Variants in WWOX observed in about 807,000 individuals in gnomAD.
The protein encoded by WWOX is WW domain-containing oxidoreductase.
A neutral mutation model predicts 46.2 loss-of-function variants in WWOX; 69 were observed. The ratio of observed to expected loss-of-function variants is 1.49; its 90% CI spans 1.23 to 1.82. WWOX has a LOEUF of 1.82. Ranked by LOEUF, WWOX falls within the 40% of genes most tolerant of loss-of-function variation. The probability of loss-of-function intolerance (pLI) is 0.00; values close to 1 mark genes in which losing one functional copy is unlikely to be tolerated. For missense variants in WWOX, 919 were observed against 542.6 expected, an observed-to-expected ratio of 1.69 and a Z score of -6.89; for synonymous variants, 359 against 202.6, an observed-to-expected ratio of 1.77 and a Z score of -6.56.
chr16:78,203,835 T>C (rs1255707904), intron 5 of WWOX, among the ~76,000 whole-genome samples: 1 of 152,238 alleles, frequency 6.6e-6, no homozygotes, highest in African/African-American at 2.4e-5. Context: ...TCTCCTCCCT[T>C]TCTCATAGTA....
chr16:78,618,846 C>T (rs1053062447), intron 8 of WWOX, among the ~76,000 whole-genome samples: 1 of 151,766 alleles, frequency 6.6e-6, no homozygotes, highest in Non-Finnish European at 1.5e-5. Context: ...TCAGACCCAG[C>T]TGACAGGCTA....
At chr16:79,074,367 C>T (rs1369216391) in intron 8 of WWOX, among the ~76,000 whole-genome samples, 1 of 142,734 alleles carries the variant, frequency 7.0e-6, no homozygotes, top group Non-Finnish European at 1.5e-5. Flanking sequence ...CCACCGTTGT[C>T]ACTCAAAGCC....
chr16:78,205,390 A>G (rs191972499), intron 5 of WWOX, among the ~76,000 whole-genome samples: 12 of 147,846 alleles, frequency 8.1e-5, no homozygotes, highest in African/African-American at 1.5e-4. Flanking sequence ...TCATTCTTCT[A>G]TCCATCCAAC....
intron 8 of WWOX, among the ~76,000 whole-genome samples, chr16:78,575,474 G>T (rs185775029): frequency 1.3e-5 from 2 of 151,888 alleles, no homozygotes; most frequent in African/African-American, 2.4e-5. Context: ...AACCAAAAAG[G>T]ATGTCTGCAT....
At chr16:78,555,610 C>G (rs1466618864) in intron 8 of WWOX, among the ~76,000 whole-genome samples, 1 of 144,258 alleles carries the variant, frequency 6.9e-6, no homozygotes. Context: ...TTACTACTTG[C>G]ATTATTGTTG....
chr16:79,068,676 G>T (rs2048487699), intron 8 of WWOX, among the ~76,000 whole-genome samples: 1 of 151,806 alleles, frequency 6.6e-6, no homozygotes, highest in South Asian at 2.1e-4. Context: ...CCAGGCGTGG[G>T]GGTGCATGCC....
At chr16:79,199,542 T>G (rs74038818) in intron 8 of WWOX, among the ~76,000 whole-genome samples, 8,695 of 152,286 alleles carry the variant, frequency 0.057, 680 homozygotes, top group African/African-American at 0.18. Context: ...TTTACTGACT[T>G]GAGCCTCAGT....
intron 8 of WWOX, chr16:78,872,687 AGT>A (rs1183129351): frequency 1.3e-5 from 2 of 152,192 alleles, no homozygotes; most frequent in African/African-American, 4.8e-5. Flanking sequence ...ATAGACAGGC[AGT>A]GTCCCCAACC....
At chr16:78,362,398 A>G (rs541936016) in intron 5 of WWOX, among the ~76,000 whole-genome samples, 3 of 152,256 alleles carry the variant, frequency 2.0e-5, no homozygotes, top group South Asian at 4.1e-4. Flanking sequence ...TCACCTGATG[A>G]TAGGAGTTCA....
chr16:78,865,566 T>C (rs191999962), intron 8 of WWOX, among the ~76,000 whole-genome samples: 4 of 152,070 alleles, frequency 2.6e-5, no homozygotes, highest in East Asian at 3.9e-4. Context: ...TGAGGCAAGG[T>C]AGGTAAAGTG....
rs570062525 is a variant in WWOX at position 79,158,850 on chromosome 16, A to G, written c.1057-52758A>G. ...TGCTTGTCATCTGTATTTTCCCACT[A>G]GAACTCAAGTTTGTGACAACAAGGA... On this transcript the variant is annotated intron_variant, in intron 8 of 8. Transcript: ENST00000566780. 4.2e-4 allele frequency among the ~76,000 whole-genome samples: 64 copies of G among 152,226 alleles called. 1 individual carries two copies. The highest frequency in any genetic ancestry group is 8.4e-4 in the Non-Finnish European group (57 of 68,044).
chr16:79,124,168 G>C (rs573148771), intron 8 of WWOX, among the ~76,000 whole-genome samples: 62 of 152,264 alleles, frequency 4.1e-4, no homozygotes, highest in African/African-American at 1.5e-3. Flanking sequence ...GAAGCTTCCT[G>C]TTGTCAATTC....
chr16:79,191,195 A>G (rs1270283247), intron 8 of WWOX, among the ~76,000 whole-genome samples: 3 of 151,970 alleles, frequency 2.0e-5, no homozygotes, highest in Non-Finnish European at 2.9e-5. Flanking sequence ...CTGGGACTAC[A>G]GGCACCTGCC....
intron 5 of WWOX, among the ~76,000 whole-genome samples, chr16:78,281,430 C>G (rs895047800): frequency 3.9e-5 from 6 of 152,166 alleles, no homozygotes; most frequent in African/African-American, 1.2e-4. Flanking sequence ...GGAGTTTCCT[C>G]TTACACACAA....
chr16:78,226,452 TTGTCC>T (rs558775038), intron 5 of WWOX, among the ~76,000 whole-genome samples: 1,979 of 150,912 alleles, frequency 0.013, 15 homozygotes, highest in Non-Finnish European at 0.018. Context: ...CTTTCCTTTC[TTGTCC>T]TGTCCTGTCC....
At chr16:79,211,251 G>C (rs1405219985) in intron 8 of WWOX, among the ~76,000 whole-genome samples, 3 of 152,124 alleles carry the variant, frequency 2.0e-5, no homozygotes, top group Non-Finnish European at 2.9e-5. Context: ...GAGAAGTTGA[G>C]GGGTTGGATG....
At chr16:79,012,431 C>T (rs780055025) in intron 8 of WWOX, among the ~76,000 whole-genome samples, 1 of 152,132 alleles carries the variant, frequency 6.6e-6, no homozygotes. Flanking sequence ...TGGGGTTTCA[C>T]CACATTGGCC....
intron 8 of WWOX, among the ~76,000 whole-genome samples, chr16:78,789,838 G>A (rs528938018): frequency 1.3e-5 from 2 of 152,030 alleles, no homozygotes; most frequent in African/African-American, 2.4e-5. Context: ...ATATATTTTC[G>A]TTAATTCCTG....
chr16:78,403,088 C>G (rs1242482821), intron 6 of WWOX, among the ~76,000 whole-genome samples: 1 of 152,208 alleles, frequency 6.6e-6, no homozygotes, highest in South Asian at 2.1e-4. Context: ...CCATATATCT[C>G]TAGGCAAAAC....
Sources: allele counts gnomAD v4.1 joint callset (sites outside exome capture counted in the v4.1 genomes callset), GRCh38; gene constraint gnomAD v4.1.1; transcripts MANE v1.5; gene names NCBI Gene and HGNC (gene_info 2026-07-23, HGNC 2026-07-21).